The following KCNIP4 variants were observed in gnomAD, a reference collection of about 807,000 sequenced individuals.
The protein encoded by KCNIP4 is potassium voltage-gated channel interacting protein 4, also known as Kv channel-interacting protein 4.
In KCNIP4, 12 loss-of-function variants were observed where a neutral mutation model predicts 34.0. The ratio of observed to expected loss-of-function variants is 0.35; its 90% CI spans 0.23 to 0.57. The LOEUF (loss-of-function observed/expected upper bound fraction) is 0.57, where lower values mean the gene tolerates loss of function less well. KCNIP4 is among the 20% of genes least tolerant of loss of function. The pLI is 0.83. For synonymous variants in KCNIP4, 124 were observed against 102.2 expected (o/e 1.21, Z -1.29); for missense variants, 238 against 311.7 (o/e 0.76, Z 1.78).
intron 1 of KCNIP4, among the ~76,000 whole-genome samples, chr4:21,056,114 T>C (rs1743374934): frequency 6.6e-6 from 1 of 152,124 alleles, no homozygotes; most frequent in African/African-American, 2.4e-5. Flanking sequence ...CCTAAAAAAG[T>C]CTTTCTTAAA....
Position 21,948,593 on chromosome 4 carries a change from C to T in KCNIP4, c.39G>A (p.Leu13=). Residue 13 remains leucine (L), a synonymous_variant, in exon 1 of 9, where the codon CTG becomes CTA. Transcript: ENST00000382152. ...TACCGCCTGTAGAGCTGGCCTCCTC[C>T]AGCTGAGCCGAAATGCTTTCCACCC... ...VRRVESISAQ[L]EEASSTGGFL... 1.9e-6 allele frequency: 3 copies of T among 1,613,770 alleles called. No homozygotes were observed. The highest frequency in any genetic ancestry group is 2.5e-6 in the Non-Finnish European group (3 of 1,179,856).
At chr4:21,499,346 A>AAAAAAAAAAAAAAAAAC (rs1491409328) in intron 1 of KCNIP4, among the ~76,000 whole-genome samples, 19 of 148,734 alleles carry the variant, frequency 1.3e-4, no homozygotes, top group African/African-American at 4.5e-4. Context: ...AAAAAAAAAA[A>AAAAAAAAAAAAAAAAAC]CAACTACATA....
intron 1 of KCNIP4, among the ~76,000 whole-genome samples, chr4:20,893,183 T>A (rs1200748134): frequency 2.0e-5 from 3 of 152,236 alleles, no homozygotes; most frequent in Non-Finnish European, 4.4e-5. Flanking sequence ...GAATACTTCA[T>A]TGCACTGTAA....
At chr4:21,149,401 T>A (rs1752604954) in intron 1 of KCNIP4, among the ~76,000 whole-genome samples, 1 of 152,094 alleles carries the variant, frequency 6.6e-6, no homozygotes, top group Non-Finnish European at 1.5e-5. Context: ...GAATTTTAAA[T>A]TGAATCCTGA....
chr4:21,675,023 A>C (rs757740093), intron 1 of KCNIP4, among the ~76,000 whole-genome samples: 29 of 152,184 alleles, frequency 1.9e-4, no homozygotes, highest in Admixed American at 4.6e-4. Context: ...TACTTACAAT[A>C]GCTAAGATTT....
intron 2 of KCNIP4, among the ~76,000 whole-genome samples, chr4:20,881,612 C>T (rs1423936102): frequency 6.6e-6 from 1 of 152,002 alleles, no homozygotes; most frequent in Non-Finnish European, 1.5e-5. Context: ...CTGAGGATTT[C>T]CTTTAGATAT....
chr4:20,760,881 TTA>T (rs1193778254), intron 3 of KCNIP4, among the ~76,000 whole-genome samples: 2 of 152,270 alleles, frequency 1.3e-5, no homozygotes, highest in East Asian at 3.9e-4. Flanking sequence ...ATGGTTGATT[TTA>T]TGTGTTTAAC....
chr4:21,030,134 AG>A (rs1198285076), intron 1 of KCNIP4, among the ~76,000 whole-genome samples: 1 of 152,122 alleles, frequency 6.6e-6, no homozygotes, highest in Non-Finnish European at 1.5e-5. Flanking sequence ...GAGCAAGCAA[AG>A]TTTCTTCTGT....
intron 1 of KCNIP4, among the ~76,000 whole-genome samples, chr4:21,118,954 C>T (rs1749913799): frequency 6.6e-6 from 1 of 152,130 alleles, no homozygotes; most frequent in South Asian, 2.1e-4. Context: ...ATTCAGTCAC[C>T]ATTATGTTTG....
At chr4:20,987,412 A>AG (rs140705180) in intron 1 of KCNIP4, among the ~76,000 whole-genome samples, 71,580 of 151,762 alleles carry the variant, frequency 0.47, 18,044 homozygotes, top group African/African-American at 0.65. Flanking sequence ...TTCATACCAA[A>AG]GAAGGGAATA....
intron 1 of KCNIP4, among the ~76,000 whole-genome samples, chr4:21,325,273 T>C (rs1479525031): frequency 6.6e-6 from 1 of 151,852 alleles, no homozygotes; most frequent in Non-Finnish European, 1.5e-5. Flanking sequence ...ATCTTTGATC[T>C]TGGTACTTGT....
intron 1 of KCNIP4, among the ~76,000 whole-genome samples, chr4:21,592,570 T>C (rs769827174): frequency 6.6e-6 from 1 of 152,108 alleles, no homozygotes; most frequent in Non-Finnish European, 1.5e-5. Flanking sequence ...AGAATGGAGC[T>C]CTCAGTAATT....
intron 4 of KCNIP4, 73 bp downstream of exon 4, chr4:20,758,748 A>G: frequency 8.8e-7 from 1 of 1,141,690 alleles, no homozygotes. Context: ...TCATGCTATG[A>G]AAAATTAAAC....
intron 1 of KCNIP4, among the ~76,000 whole-genome samples, chr4:21,779,930 CAA>C (rs10564487): frequency 0.38 from 52,084 of 138,110 alleles, 10,743 homozygotes; most frequent in Non-Finnish European, 0.51. Flanking sequence ...GATCCTGTCT[CAA>C]AAAAAAAAAA....
chr4:21,741,606 T>A (rs1716406865), intron 1 of KCNIP4, among the ~76,000 whole-genome samples: 1 of 152,300 alleles, frequency 6.6e-6, no homozygotes, highest in African/African-American at 2.4e-5. Context: ...AATCCAGTAG[T>A]CTTAGTTTTA....
At chr4:21,133,204 G>C (rs904955636) in intron 1 of KCNIP4, among the ~76,000 whole-genome samples, 3 of 152,068 alleles carry the variant, frequency 2.0e-5, no homozygotes, top group African/African-American at 7.3e-5. Context: ...CTCTGGGTTT[G>C]TCCTATTTAC....
chr4:20,810,459 A>C, intron 3 of KCNIP4, among the ~76,000 whole-genome samples: 1 of 99,788 alleles, frequency 1.0e-5, no homozygotes, highest in Non-Finnish European at 2.1e-5. Flanking sequence ...GGGGGGAGGA[A>C]GGGGGGAGAG....
rs1400053098 is a variant in KCNIP4, at chr4:21,528,759, G to GA, written c.61+419811dup. Among the ~76,000 whole-genome samples, 23 of 9,680 alleles carry GA rather than the reference G, an allele frequency of 2.4e-3. 5 individuals carry two copies. The highest frequency in any genetic ancestry group is 1.0e-2 in the African/African-American group (22 of 2,208). 6.4% of individuals were successfully genotyped at this position (9,680 alleles called of 152,430 possible). On this transcript the variant is annotated intron_variant, in intron 1 of 8. Coordinates refer to ENST00000382152, the MANE Select transcript of KCNIP4 (RefSeq NM_025221.6). ...AGAAAGAAAGAAAGAAAGAAAGAAA[G>GA]AAAGAAAGAAAGAAAGAAAGGAAGA...
chr4:21,570,102 C>T (rs910296140), intron 1 of KCNIP4, among the ~76,000 whole-genome samples: 2 of 152,254 alleles, frequency 1.3e-5, no homozygotes, highest in South Asian at 2.1e-4. Context: ...AAGAATCCTT[C>T]TTCCAACTTC....
Sources: allele counts gnomAD v4.1 joint callset (sites outside exome capture counted in the v4.1 genomes callset), GRCh38; gene constraint gnomAD v4.1.1; transcripts MANE v1.5; gene names NCBI Gene and HGNC (gene_info 2026-07-23, HGNC 2026-07-21).